The following CSMD1 variants were observed in gnomAD, a reference collection of about 807,000 sequenced individuals.
The protein encoded by CSMD1 is CUB and Sushi multiple domains 1.
In CSMD1, 213 loss-of-function variants were observed where a neutral mutation model predicts 417.5. That is an observed-to-expected ratio of 0.51 (90% confidence interval 0.46 to 0.57). The LOEUF is 0.57. Ranked by LOEUF, CSMD1 falls within the 20% of genes least tolerant of loss-of-function variation. CSMD1 has a pLI of 0.00. For synonymous variants in CSMD1, 2,862 were observed against 1,736.8 expected (o/e 1.65, Z -16.11); for missense variants, 6,923 against 4,529.7 (o/e 1.53, Z -15.17).
At chr8:4,278,143 G>C (rs1353948080) in intron 3 of CSMD1, among the ~76,000 whole-genome samples, 2 of 152,092 alleles carry the variant, frequency 1.3e-5, no homozygotes, top group African/African-American at 2.4e-5. Flanking sequence ...TTCCACCAAA[G>C]AGAAGAATCT....
At chr8:4,122,797 A>C (rs1463144416) in intron 3 of CSMD1, among the ~76,000 whole-genome samples, 3 of 152,206 alleles carry the variant, frequency 2.0e-5, no homozygotes, top group African/African-American at 7.2e-5. Flanking sequence ...TTCCATCAAA[A>C]AAACAAATGA....
intron 2 of CSMD1, among the ~76,000 whole-genome samples, chr8:4,485,499 G>A (rs1255587001): frequency 6.6e-6 from 1 of 152,114 alleles, no homozygotes; most frequent in Non-Finnish European, 1.5e-5. Context: ...TGCTTCTTCA[G>A]TTCCTGATCT....
chr8:3,511,530 A>G (rs1480119289), intron 10 of CSMD1, among the ~76,000 whole-genome samples: 10 of 151,584 alleles, frequency 6.6e-5, no homozygotes, highest in African/African-American at 2.2e-4. Flanking sequence ...CGAGGCAGGT[A>G]GATCACTTGA....
intron 5 of CSMD1, among the ~76,000 whole-genome samples, chr8:3,985,017 G>C (rs997332013): frequency 6.6e-6 from 1 of 151,988 alleles, no homozygotes; most frequent in South Asian, 2.1e-4. Flanking sequence ...GATCTCATAA[G>C]GTGGCTCTGA....
intron 26 of CSMD1, among the ~76,000 whole-genome samples, chr8:3,268,885 A>T (rs1287317957): frequency 6.6e-6 from 1 of 152,162 alleles, no homozygotes; most frequent in African/African-American, 2.4e-5. Context: ...AGCTGGATTC[A>T]TATTAGCAGA....
At chr8:4,417,349 G>T (rs752523615) in intron 3 of CSMD1, among the ~76,000 whole-genome samples, 2 of 151,940 alleles carry the variant, frequency 1.3e-5, no homozygotes, top group Admixed American at 1.3e-4. Flanking sequence ...CCAAAGTACT[G>T]CCAGACAACA....
chr8:4,860,300 T>C (rs1301430827), intron 1 of CSMD1, among the ~76,000 whole-genome samples: 1 of 149,156 alleles, frequency 6.7e-6, no homozygotes, highest in Non-Finnish European at 1.5e-5. Flanking sequence ...TTAGGAGATA[T>C]ACCTAATGCT....
At chr8:3,344,486 A>T (rs1410857447) in intron 22 of CSMD1, among the ~76,000 whole-genome samples, 3 of 152,204 alleles carry the variant, frequency 2.0e-5, no homozygotes, top group South Asian at 2.1e-4. Context: ...AAAAAAGTCA[A>T]TGCAGCAGTC....
intron 6 of CSMD1, among the ~76,000 whole-genome samples, chr8:3,747,477 T>C (rs1227004729): frequency 6.7e-6 from 1 of 148,594 alleles, no homozygotes; most frequent in Non-Finnish European, 1.5e-5. Flanking sequence ...CTGTTTTTCA[T>C]ATAAACAAAT....
chr8:3,231,616 A>G (rs577274424), intron 26 of CSMD1, among the ~76,000 whole-genome samples: 1 of 151,514 alleles, frequency 6.6e-6, no homozygotes, highest in Admixed American at 6.6e-5. Flanking sequence ...TGTGTTATTC[A>G]GACATTTTTA....
intron 6 of CSMD1, among the ~76,000 whole-genome samples, chr8:3,740,290 C>A (rs188158311): frequency 3.1e-4 from 47 of 152,194 alleles, no homozygotes; most frequent in Non-Finnish European, 4.6e-4. Flanking sequence ...ATTTTTAGTA[C>A]AGATGGGGTT....
rs750809802 is a variant in CSMD1, at chr8:2,949,342, G to C, written c.10359C>G (p.Asp3453Glu). The C allele has an allele frequency of 1.2e-6, 2 of 1,607,294 alleles. No homozygotes were observed. The highest frequency in any genetic ancestry group is 2.2e-5 in the South Asian group (2 of 90,674). The stretch of plus-strand genomic sequence containing the variant: ...ATTTTCCAAAGTCTTTTCCATGAAT[G>C]TCACCTTGAAAAGTAAATCCTCCTC... The part of the protein sequence containing the change: ...LERGGFTFQG[D>E]IHGKDFGKFK... Residue 3453 changes from aspartate (D) to glutamate (E), a missense_variant, in exon 68 of 70, where the codon GAC becomes GAG. Asp to Glu is a conservative substitution (Grantham distance 45). Transcript: ENST00000635120.
chr8:3,574,151 A>G (rs1800051230), intron 10 of CSMD1, among the ~76,000 whole-genome samples: 1 of 152,256 alleles, frequency 6.6e-6, no homozygotes, highest in South Asian at 2.1e-4. Flanking sequence ...AGAAAGAGGA[A>G]AACACGCTCA....
chr8:3,618,387 T>C (rs1010751480), intron 7 of CSMD1, among the ~76,000 whole-genome samples: 2 of 152,346 alleles, frequency 1.3e-5, no homozygotes, highest in Admixed American at 1.3e-4. Context: ...GAATATATTA[T>C]GTGGTTTCAT....
At chr8:3,342,012 G>A (rs1454213874) in intron 23 of CSMD1, among the ~76,000 whole-genome samples, 1 of 152,104 alleles carries the variant, frequency 6.6e-6, no homozygotes, top group African/African-American at 2.4e-5. Context: ...AATCCTGGAA[G>A]GTAAAATTCT....
At chr8:4,515,066 A>C (rs984680548) in intron 2 of CSMD1, among the ~76,000 whole-genome samples, 1 of 152,206 alleles carries the variant, frequency 6.6e-6, no homozygotes, top group Non-Finnish European at 1.5e-5. Context: ...CCCAGAAGGC[A>C]AATGATACTT....
intron 23 of CSMD1, among the ~76,000 whole-genome samples, chr8:3,313,540 T>C (rs1018683729): frequency 1.1e-4 from 17 of 152,084 alleles, no homozygotes; most frequent in Admixed American, 6.6e-5. Context: ...ATCAGAGAAA[T>C]GCAAATCAAA....
intron 3 of CSMD1, among the ~76,000 whole-genome samples, chr8:4,405,263 C>CA (rs536586918): frequency 2.8e-4 from 42 of 151,846 alleles, no homozygotes; most frequent in African/African-American, 9.9e-4. Flanking sequence ...AAAGAGAAGT[C>CA]AAAAAAGGAA....
intron 1 of CSMD1, among the ~76,000 whole-genome samples, chr8:4,867,118 T>C (rs1321524512): frequency 6.6e-6 from 1 of 152,040 alleles, no homozygotes; most frequent in Non-Finnish European, 1.5e-5. Context: ...TGATATGAAC[T>C]TCATGAACTA....
Sources: allele counts gnomAD v4.1 joint callset (sites outside exome capture counted in the v4.1 genomes callset), GRCh38; gene constraint gnomAD v4.1.1; transcripts MANE v1.5; gene names NCBI Gene and HGNC (gene_info 2026-07-23, HGNC 2026-07-21).